Variants in SETD3 observed in about 807,000 individuals in gnomAD.
SETD3 encodes the protein actin-histidine N-methyltransferase.
A neutral mutation model predicts 63.0 loss-of-function variants in SETD3; 19 were observed. The ratio of observed to expected loss-of-function variants is 0.30; its 90% CI spans 0.21 to 0.44. SETD3 has a LOEUF of 0.44. SETD3 is among the 20% of genes least tolerant of loss of function. The pLI is 1.00. For synonymous variants in SETD3, 286 were observed against 264.1 expected (o/e 1.08, Z -0.80); for missense variants, 587 against 728.5 (o/e 0.81, Z 2.24).
At chr14:99,407,438 T>G (rs1464308059) in intron 8 of SETD3, among the ~76,000 whole-genome samples, 1 of 152,218 alleles carries the variant, frequency 6.6e-6, no homozygotes, top group African/African-American at 2.4e-5. Flanking sequence ...TCACCTAGCT[T>G]GTTATTTGCA....
chr14:99,398,526 A>T lies in SETD3; in HGVS notation c.*153T>A, dbSNP rs1891204255. 1.4e-5 allele frequency: 10 copies of T among 722,560 alleles called. No individual in the cohort carries two copies. The highest frequency in any genetic ancestry group is 6.5e-5 in the South Asian group (3 of 45,858). The allele number at this position is 722,560 out of a possible 1,614,324, so 44.8% of individuals were successfully genotyped here. A position where few individuals can be genotyped will look rare whatever the true frequency, so the allele number is the denominator to read the frequency against. ...AATCAAAAAGGGAAGCTAGATTTTT[A>T]AAATAACTTAAAAAAACCATTTTTA... On this transcript the variant is annotated 3_prime_UTR_variant, in exon 13 of 13. Transcript: ENST00000331768.
At chr14:99,484,443 C>T (rs1007848723), upstream of SETD3, among the ~76,000 whole-genome samples, 2 of 152,072 alleles carry the variant, frequency 1.3e-5, no homozygotes, top group Non-Finnish European at 2.9e-5. Context: ...AAAGAAAAAT[C>T]ATGATGAGAA....
intron 1 of SETD3, among the ~76,000 whole-genome samples, chr14:99,468,106 G>C (rs147251756): frequency 4.7e-5 from 7 of 148,754 alleles, no homozygotes; most frequent in South Asian, 4.2e-4. Flanking sequence ...GGTACAGCTA[G>C]AATCTGAACC....
intron 1 of SETD3, among the ~76,000 whole-genome samples, chr14:99,480,398 G>A (rs911149589): frequency 3.3e-5 from 5 of 151,836 alleles, no homozygotes; most frequent in Non-Finnish European, 7.4e-5. Flanking sequence ...GCACCACCTC[G>A]AGACCGGGTG....
At chr14:99,443,538 C>T (rs928199470) in intron 6 of SETD3, among the ~76,000 whole-genome samples, 1 of 152,214 alleles carries the variant, frequency 6.6e-6, no homozygotes, top group African/African-American at 2.4e-5. Context: ...AGGCGTGAGC[C>T]ACTGTGCCTG....
intron 4 of SETD3, among the ~76,000 whole-genome samples, chr14:99,460,845 C>T (rs1895025941): frequency 6.6e-6 from 1 of 152,240 alleles, no homozygotes. Context: ...GCCAGTCCTC[C>T]ACCCACTCAC....
intron 6 of SETD3, among the ~76,000 whole-genome samples, chr14:99,431,344 T>G (rs1259241967): frequency 6.6e-6 from 1 of 152,170 alleles, no homozygotes; most frequent in Non-Finnish European, 1.5e-5. Flanking sequence ...CTGCCACCCC[T>G]TTGTGATTTA....
chr14:99,471,535 T>C lies in SETD3; in HGVS notation c.-8-5722A>G, dbSNP rs141676511. 4.3e-3 allele frequency among the ~76,000 whole-genome samples: 653 copies of C among 152,322 alleles called. 3 individuals are homozygous for C. Among genetic ancestry groups the C allele is most frequent in the Non-Finnish European group, 6.1e-3 (417 of 68,022 alleles). ...CTATCATCCCAGGTGCTCAGGAGGC[T>C]GAGGTGGGAGGCTCTCTTGAGCCCA... On this transcript the variant is annotated intron_variant, in intron 1 of 12. Transcript: ENST00000331768.
chr14:99,410,541 T>A (rs1178276076), intron 8 of SETD3, among the ~76,000 whole-genome samples: 1 of 152,194 alleles, frequency 6.6e-6, no homozygotes, highest in Non-Finnish European at 1.5e-5. Flanking sequence ...CTTAGAAGTA[T>A]CCTTGTCATA....
intron 6 of SETD3, among the ~76,000 whole-genome samples, chr14:99,429,073 A>G (rs545185655): frequency 2.6e-5 from 4 of 152,224 alleles, no homozygotes; most frequent in Non-Finnish European, 5.9e-5. Flanking sequence ...TATGACTATT[A>G]GTCAAGATGG....
At chr14:99,421,386 G>A (rs1892590599) in intron 6 of SETD3, among the ~76,000 whole-genome samples, 1 of 151,608 alleles carries the variant, frequency 6.6e-6, no homozygotes, top group South Asian at 2.1e-4. Context: ...GTTGGACTCT[G>A]TTTAAATGAG....
upstream of SETD3, among the ~76,000 whole-genome samples, chr14:99,482,948 T>C (rs1443253104): frequency 1.3e-5 from 2 of 152,232 alleles, no homozygotes; most frequent in African/African-American, 4.8e-5. Context: ...GGAATTAAAT[T>C]CAAGGTAATT....
upstream of SETD3, among the ~76,000 whole-genome samples, chr14:99,484,602 C>T (rs1896437510): frequency 1.3e-5 from 2 of 152,194 alleles, no homozygotes; most frequent in South Asian, 2.1e-4. Flanking sequence ...AGGTAGATTT[C>T]ATTCATGCAT....
chr14:99,417,388 T>TA (rs1892340922), intron 6 of SETD3, among the ~76,000 whole-genome samples: 1 of 152,262 alleles, frequency 6.6e-6, no homozygotes. Context: ...AAGTATTAAA[T>TA]ACCCTTGGAA....
At position 99,480,802 on chromosome 14, in the gene SETD3, A is replaced by AGGCGGTGGC. The variant is rs916723321; in HGVS notation, c.-92_-84dup. On this transcript the variant is annotated 5_prime_UTR_variant, in exon 1 of 13. Coordinates refer to ENST00000331768, the MANE Select transcript of SETD3 (RefSeq NM_032233.3). Reference sequence around the variant, plus strand: ...CCGCCGTCCGCCTCAACCAACCCCCAGGCGGTGGCGGCGGTGGCGGCGGCG... The same window carrying AGGCGGTGGC: ...CCGCCGTCCGCCTCAACCAACCCCCAGGCGGTGGCGGCGGTGGCGGCGGTGGCGGCGGCG... 3.7e-3 allele frequency: 605 copies of AGGCGGTGGC among 161,940 alleles called. 3 individuals carry two copies. The highest frequency in any genetic ancestry group is 0.013 in the African/African-American group (542 of 41,354). The allele number at this position is 161,940 out of a possible 1,614,324, so 10.0% of individuals were successfully genotyped here. A position where few individuals can be genotyped will look rare whatever the true frequency, so the allele number is the denominator to read the frequency against.
chr14:99,408,391 G>A (rs935255509), intron 8 of SETD3, among the ~76,000 whole-genome samples: 1 of 152,084 alleles, frequency 6.6e-6, no homozygotes, highest in Non-Finnish European at 1.5e-5. Context: ...AACATCGGAT[G>A]TACTTTTCTG....
intron 3 of SETD3, 60 bp downstream of exon 3, chr14:99,463,426 G>T: frequency 7.5e-7 from 1 of 1,324,706 alleles, no homozygotes; most frequent in Non-Finnish European, 1.1e-6. Flanking sequence ...TCAACCCTTT[G>T]ACCTAATCAA....
chr14:99,450,430 C>T (rs1157087406), intron 6 of SETD3, among the ~76,000 whole-genome samples: 1 of 152,230 alleles, frequency 6.6e-6, no homozygotes, highest in Non-Finnish European at 1.5e-5. Context: ...CCACAGGATG[C>T]CAAGAACCAA....
At chr14:99,426,834 A>G (rs1317609772) in intron 6 of SETD3, among the ~76,000 whole-genome samples, 1 of 152,110 alleles carries the variant, frequency 6.6e-6, no homozygotes, top group Non-Finnish European at 1.5e-5. Context: ...TTCAGTTCCT[A>G]GGTTCAGGAT....
Sources: gnomAD v4.1 joint callset for allele counts (sites outside exome capture counted in the v4.1 genomes callset) on GRCh38, gnomAD v4.1.1 for gene constraint, MANE v1.5 for transcripts, NCBI Gene and HGNC (gene_info 2026-07-23, HGNC 2026-07-21) for gene names.